The following FGF13 variants were observed in gnomAD, a reference collection of about 807,000 sequenced individuals.
FGF13 encodes fibroblast growth factor homologous factor 2.
A neutral mutation model predicts 19.5 loss-of-function variants in FGF13; 2 were observed. The observed-to-expected ratio is 0.10, with a 90% CI of 0.04 to 0.32. The LOEUF (loss-of-function observed/expected upper bound fraction) is 0.32. Ranked by LOEUF, FGF13 falls within the 10% of genes least tolerant of loss-of-function variation. FGF13 has a pLI of 1.00. For synonymous variants in FGF13, 72 were observed against 76.9 expected, an observed-to-expected ratio of 0.94 and a Z score of 0.33; for missense variants, 113 against 192.7, an observed-to-expected ratio of 0.59 and a Z score of 2.45.
At chrX:138,642,963 T>G (rs1477600541) in intron 3 of FGF13, among the ~76,000 whole-genome samples, 1 of 112,622 alleles carries the variant, frequency 8.9e-6, no homozygotes, top group African/African-American at 3.2e-5. Flanking sequence ...CTATTTTGCC[T>G]CATATGGTTA....
chrX:139,173,357 C>CT (rs897123495), intron 1 of FGF13, among the ~76,000 whole-genome samples: 5 of 109,394 alleles, frequency 4.6e-5, no homozygotes, highest in South Asian at 3.9e-4. Flanking sequence ...TCAGATAGCT[C>CT]TTTTTTTAAA....
chrX:138,941,469 C>CA, intron 1 of FGF13, among the ~76,000 whole-genome samples: 1 of 111,791 alleles, frequency 8.9e-6, no homozygotes, highest in East Asian at 2.8e-4. Context: ...ACAAAAAGAA[C>CA]AAAATACCCA....
At chrX:138,888,953 CT>C (rs1445170706) in intron 1 of FGF13, among the ~76,000 whole-genome samples, 2 of 112,110 alleles carry the variant, frequency 1.8e-5, no homozygotes, top group Non-Finnish European at 3.8e-5. Flanking sequence ...ATTATTTTTG[CT>C]GTCTTCCATG....
At chrX:139,157,599 T>A (rs1278273314) in intron 1 of FGF13, among the ~76,000 whole-genome samples, 1 of 112,672 alleles carries the variant, frequency 8.9e-6, no homozygotes, top group East Asian at 2.8e-4. Flanking sequence ...GTGTAATGGT[T>A]TTTAACTTCC....
chrX:138,620,143 G>A lies in FGF13; in HGVS notation c.*12707C>T, dbSNP rs2089002944. ...ATGGGATACTATGCAGCCATAAAAA[G>A]GAATGAGATCATGTCATTTTCAGGG... On this transcript the variant is annotated 3_prime_UTR_variant, in exon 5 of 5. Coordinates refer to ENST00000315930, the MANE Select transcript of FGF13 (RefSeq NM_004114.5). The A allele has an allele frequency of 8.9e-6, 1 of 111,849 alleles. No individual in the cohort carries two copies. Among genetic ancestry groups the A allele is most frequent in the African/African-American group, 3.3e-5 (1 of 30,730 alleles). 9.2% of individuals were successfully genotyped at this position (111,849 alleles called of 1,213,427 possible). A position where few individuals can be genotyped will look rare whatever the true frequency, so the allele number is the denominator to read the frequency against.
At chrX:138,882,590 T>C (rs748927159) in intron 1 of FGF13, among the ~76,000 whole-genome samples, 112 of 111,801 alleles carry the variant, frequency 1.0e-3, no homozygotes, top group Non-Finnish European at 1.7e-3. Flanking sequence ...AAGGGAAGCA[T>C]GGTTTCATTT....
chrX:139,168,067 T>C (rs774522979), intron 1 of FGF13, among the ~76,000 whole-genome samples: 1 of 112,263 alleles, frequency 8.9e-6, no homozygotes, highest in East Asian at 2.8e-4. Context: ...GAATGGTTTA[T>C]AGATGCATGC....
chrX:138,709,497 C>A (rs2124249982), intron 1 of FGF13, among the ~76,000 whole-genome samples: 1 of 111,777 alleles, frequency 8.9e-6, no homozygotes, highest in Admixed American at 9.5e-5. Context: ...GAGGGAGATA[C>A]AACCACCATT....
chrX:138,857,536 G>C, exon 3 of FGF13: 1 of 1,204,697 alleles, frequency 8.3e-7, no homozygotes, highest in Non-Finnish European at 1.1e-6. Flanking sequence ...TTCTCTTTGT[G>C]GTGTACTTGC....
At chrX:138,687,545 C>G (rs1326950034) in intron 3 of FGF13, among the ~76,000 whole-genome samples, 1 of 111,862 alleles carries the variant, frequency 8.9e-6, no homozygotes, top group Non-Finnish European at 1.9e-5. Context: ...TCCTTGTACA[C>G]TGTTGGGAAT....
intron 3 of FGF13, among the ~76,000 whole-genome samples, chrX:138,777,186 C>T (rs1476011882): frequency 9.0e-6 from 1 of 111,079 alleles, no homozygotes; most frequent in Admixed American, 9.5e-5. Flanking sequence ...CTGGGAATGG[C>T]AGCAAGGGGA....
chrX:138,897,892 C>T (rs184271589), intron 1 of FGF13, among the ~76,000 whole-genome samples: 41 of 111,171 alleles, frequency 3.7e-4, no homozygotes, highest in Non-Finnish European at 7.2e-4. Flanking sequence ...ACCCAAAAGC[C>T]CATACCTTTG....
intron 1 of FGF13, among the ~76,000 whole-genome samples, chrX:139,062,163 C>T (rs2092338510): frequency 1.8e-5 from 2 of 111,044 alleles, no homozygotes; most frequent in Admixed American, 1.9e-4. Context: ...GGAGCTTTCC[C>T]CCATGTTTTC....
chrX:138,968,336 G>A (rs1285841379), intron 1 of FGF13, among the ~76,000 whole-genome samples: 1 of 112,235 alleles, frequency 8.9e-6, no homozygotes, highest in Non-Finnish European at 1.9e-5. Context: ...TCTTGACTAT[G>A]CAATCCTACT....
chrX:138,839,495 C>A (rs1411840331), intron 3 of FGF13, among the ~76,000 whole-genome samples: 1 of 111,374 alleles, frequency 9.0e-6, no homozygotes, highest in Admixed American at 9.6e-5. Flanking sequence ...ATGAACTTGA[C>A]AAACTTTGAA....
chrX:139,105,532 T>C (rs1422121244), intron 1 of FGF13, among the ~76,000 whole-genome samples: 1 of 111,875 alleles, frequency 8.9e-6, no homozygotes, highest in African/African-American at 3.2e-5. Context: ...CACTGGTATT[T>C]GGCCTGCTCT....
At chrX:138,673,963 C>T (rs898314827) in intron 3 of FGF13, among the ~76,000 whole-genome samples, 10 of 110,819 alleles carry the variant, frequency 9.0e-5, no homozygotes, top group African/African-American at 2.6e-4. Flanking sequence ...GTTTTCTCTG[C>T]GAATTAAAAG....
intron 1 of FGF13, among the ~76,000 whole-genome samples, chrX:138,720,134 T>C (rs2090137500): frequency 8.9e-6 from 1 of 112,700 alleles, no homozygotes; most frequent in Non-Finnish European, 1.9e-5. Context: ...CAATAAATCA[T>C]TACTTATGTC....
chrX:139,089,269 C>T (rs1413992309), intron 1 of FGF13, among the ~76,000 whole-genome samples: 1 of 112,012 alleles, frequency 8.9e-6, no homozygotes, highest in Non-Finnish European at 1.9e-5. Flanking sequence ...GGCTCATAGA[C>T]TCTAATTTAT....
Sources: allele counts gnomAD v4.1 joint callset (sites outside exome capture counted in the v4.1 genomes callset), GRCh38; gene constraint gnomAD v4.1.1; transcripts MANE v1.5; gene names NCBI Gene and HGNC (gene_info 2026-07-23, HGNC 2026-07-21).